MESD: variants seen among roughly 807,000 people sequenced by gnomAD.
MESD encodes the protein LRP chaperone MESD.
A neutral mutation model predicts 12.9 loss-of-function variants in MESD; 7 were observed. The observed-to-expected ratio is 0.54, with a 90% confidence interval of 0.31 to 1.02. The LOEUF (loss-of-function observed/expected upper bound fraction) is 1.02. Among genes scored for constraint, MESD ranks in the 50% least tolerant of loss-of-function variants. The pLI is 0.05. For synonymous variants in MESD, 126 were observed against 115.6 expected, an observed-to-expected ratio of 1.09 and a Z score of -0.58; for missense variants, 342 against 296.7, an observed-to-expected ratio of 1.15 and a Z score of -1.12.
intron 1 of MESD, 75 bp from the exon 2 acceptor site, chr15:80,982,257 G>C (rs1003796815): frequency 1.1e-5 from 13 of 1,184,708 alleles, no homozygotes; most frequent in Non-Finnish European, 1.6e-5. Context: ...AAAAACTTCT[G>C]CATGATGTCA....
chr15:80,983,632 C>A (rs930244413), intron 1 of MESD, among the ~76,000 whole-genome samples: 1 of 152,088 alleles, frequency 6.6e-6, no homozygotes, highest in African/African-American at 2.4e-5. Flanking sequence ...AGCGTGGGTT[C>A]CTTGGAGAAC....
At chr15:80,983,894 C>CTT (rs10570822) in intron 1 of MESD, among the ~76,000 whole-genome samples, 1,497 of 88,424 alleles carry the variant, frequency 0.017, 116 homozygotes, top group African/African-American at 0.041. Flanking sequence ...AAAACAGTAA[C>CTT]TTTTTTTTTT....
At chr15:80,979,573 TCTA>T in intron 2 of MESD, 96 bp from the exon 3 acceptor site, 1 of 1,400,900 alleles carries the variant, frequency 7.1e-7, no homozygotes, top group Non-Finnish European at 9.6e-7. Context: ...TATTTCAAAT[TCTA>T]CATGAATATG....
At chr15:80,948,811 G>C (rs368272610) in exon 5 of MESD, 1 of 1,614,084 alleles carries the variant, frequency 6.2e-7, no homozygotes, top group Non-Finnish European at 8.5e-7. Context: ...AATGGCATTC[G>C]TTGGCTTCAA....
In MESD at chr15:80,982,073, G is replaced by C; in HGVS notation, c.323C>G (p.Thr108Arg). 6.2e-7 allele frequency: 1 copy of C among 1,613,642 alleles called. No homozygotes were observed. Residue 108 changes from threonine to arginine, a missense_variant, in exon 2 of 3, where the codon ACG becomes AGG. Coordinates refer to ENST00000261758, the MANE Select transcript of MESD (RefSeq NM_015154.3). The stretch of plus-strand genomic sequence containing the variant: ...CATCATGAGAGTCTTCCCTTTTTTC[G>C]TCATTTTCAATATGCTTTCAGGCTT... ...PSKPESILKM[T>R]KKGKTLMMFV...
chr15:80,956,534 T>C lies in MESD; in HGVS notation c.*289-4238A>G, dbSNP rs370332965. 9.2e-5 allele frequency among the ~76,000 whole-genome samples: 14 copies of C among 152,266 alleles called. No individual in the cohort carries two copies. The East Asian group carries it at 1.7e-3, about 19-fold the overall frequency. ...TTCCAGAAAACATTGAGGTGTTCTCTAATCAGATAGAGAAACAAAATCAAG... is the reference window on the plus strand; with the variant it reads ...TTCCAGAAAACATTGAGGTGTTCTCCAATCAGATAGAGAAACAAAATCAAG... On this transcript the variant is annotated intron_variant, in intron 3 of 4. Transcript: ENST00000561312.
At chr15:80,964,416 A>C (rs903683626) in intron 3 of MESD, among the ~76,000 whole-genome samples, 1 of 152,244 alleles carries the variant, frequency 6.6e-6, no homozygotes, top group Non-Finnish European at 1.5e-5. Context: ...ATTCAATGCT[A>C]TCCCCATCAA....
At position 80,982,755 on chromosome 15, in the gene MESD, G is replaced by C. The variant is rs183333735; in HGVS notation, c.214-573C>G. Among the ~76,000 whole-genome samples the C allele has an allele frequency of 1.2e-3, 190 of 152,224 alleles. 4 individuals carry two copies. The highest frequency in any genetic ancestry group is 0.01 in the Middle Eastern group (3 of 294). On this transcript the variant is annotated intron_variant, in intron 1 of 2. Coordinates refer to ENST00000261758, the MANE Select transcript of MESD (RefSeq NM_015154.3). ...ATGAAAATGTTCTACATTTTGACAG[G>C]GGTGTAGATTACACAGATATATCCA...
chr15:80,981,615 G>A (rs1192845277), intron 2 of MESD, among the ~76,000 whole-genome samples: 1 of 152,118 alleles, frequency 6.6e-6, no homozygotes, highest in East Asian at 1.9e-4. Flanking sequence ...CAGCACTTAG[G>A]GAGGCTGAGG....
At chr15:80,967,019 G>A (rs1437840822) in intron 3 of MESD, among the ~76,000 whole-genome samples, 3 of 152,292 alleles carry the variant, frequency 2.0e-5, no homozygotes, top group East Asian at 3.9e-4. Context: ...TTGGCCGGGC[G>A]CAGTGGCTCA....
intron 1 of MESD, among the ~76,000 whole-genome samples, chr15:80,984,772 C>T (rs968182773): frequency 1.3e-5 from 2 of 151,800 alleles, no homozygotes; most frequent in Non-Finnish European, 2.9e-5. Context: ...AAACCTGTTA[C>T]CAAAACAAAA....
intron 1 of MESD, among the ~76,000 whole-genome samples, chr15:80,987,591 C>T (rs765643797): frequency 6.6e-5 from 10 of 151,802 alleles, no homozygotes; most frequent in Non-Finnish European, 1.2e-4. Flanking sequence ...CTGGTTCAAG[C>T]GATTCTTGTG....
chr15:80,970,874 C>G (rs1393858602), downstream of MESD, among the ~76,000 whole-genome samples: 1 of 152,132 alleles, frequency 6.6e-6, no homozygotes, highest in Admixed American at 6.5e-5. Flanking sequence ...AGCACGGATT[C>G]TGGTTAAACA....
intron 1 of MESD, among the ~76,000 whole-genome samples, chr15:80,984,187 C>G (rs1007363811): frequency 6.6e-6 from 1 of 152,072 alleles, no homozygotes; most frequent in Non-Finnish European, 1.5e-5. Context: ...GCATTAGCCA[C>G]CATGCCTAAT....
At chr15:80,980,726 A>G (rs1902551287) in intron 2 of MESD, among the ~76,000 whole-genome samples, 1 of 152,096 alleles carries the variant, frequency 6.6e-6, no homozygotes, top group African/African-American at 2.4e-5. Flanking sequence ...ACTTGAGGCC[A>G]GCAGTTCAAG....
At chr15:80,980,218 G>C (rs1009324046) in intron 2 of MESD, among the ~76,000 whole-genome samples, 1 of 152,146 alleles carries the variant, frequency 6.6e-6, no homozygotes, top group African/African-American at 2.4e-5. Flanking sequence ...TTCTGTCTAG[G>C]TGTCTATTTA....
At chr15:80,950,144 G>C (rs1901756187) in intron 4 of MESD, 1 of 152,240 alleles carries the variant, frequency 6.6e-6, no homozygotes, top group Non-Finnish European at 1.5e-5. Flanking sequence ...GCCTCCAGGA[G>C]ACCCTAGATG....
chr15:80,948,971 C>A lies in MESD; in HGVS notation c.*627-73G>T, dbSNP rs199799466. 3 of 1,612,756 alleles carry A rather than the reference C, an allele frequency of 1.9e-6. No individual in the cohort carries two copies. In the African/African-American group the frequency reaches 4.0e-5, roughly 21 times the overall value. ...ACCTCGTGGTAGACTATGACGGTGA[C>A]TCTTGGCAGCAGACCAGTGGGGGAT... is the stretch of plus-strand genomic sequence containing the variant. On this transcript the variant is annotated intron_variant, in intron 4 of 4. Transcript: ENST00000561312.
chr15:80,959,307 T>C (rs746540795), intron 3 of MESD, among the ~76,000 whole-genome samples: 20 of 152,176 alleles, frequency 1.3e-4, no homozygotes, highest in Non-Finnish European at 2.8e-4. Flanking sequence ...CCTGGAAGGA[T>C]GAAGGGCAGC....
Sources: allele counts gnomAD v4.1 joint callset (sites outside exome capture counted in the v4.1 genomes callset), GRCh38; gene constraint gnomAD v4.1.1; transcripts MANE v1.5; gene names NCBI Gene and HGNC (gene_info 2026-07-23, HGNC 2026-07-21).